RBPMS: variants seen among roughly 807,000 people sequenced by gnomAD.
RBPMS encodes RNA binding protein, mRNA processing factor.
In RBPMS, 7 loss-of-function variants were observed where a neutral mutation model predicts 26.8. That is an observed-to-expected ratio of 0.26 (90% confidence interval 0.15 to 0.49). The LOEUF (loss-of-function observed/expected upper bound fraction) is 0.49. RBPMS is among the 20% of genes least tolerant of loss of function. The pLI, the probability that RBPMS is intolerant of heterozygous loss-of-function variation, is 0.98. For missense variants in RBPMS, 186 were observed against 250.0 expected (o/e 0.74, Z 1.73); for synonymous variants, 96 against 93.3 (o/e 1.03, Z -0.17).
chr8:30,560,386 A>T (rs1020347606), intron 7 of RBPMS, among the ~76,000 whole-genome samples: 2 of 152,120 alleles, frequency 1.3e-5, no homozygotes, highest in East Asian at 1.9e-4. Flanking sequence ...TGGGCATGAG[A>T]GTGTCGGAAG....
chr8:30,527,765 A>T (rs1287944690), intron 5 of RBPMS, among the ~76,000 whole-genome samples: 2 of 152,216 alleles, frequency 1.3e-5, no homozygotes, highest in Non-Finnish European at 2.9e-5. Flanking sequence ...AGGATGGAGA[A>T]GCTGGGTAGG....
intron 1 of RBPMS, 153 bp downstream of exon 1, chr8:30,385,311 C>G: frequency 2.1e-6 from 1 of 479,788 alleles, no homozygotes; most frequent in East Asian, 3.8e-5. Context: ...GAGGGTGGAT[C>G]TCGGGAGCGT....
At chr8:30,556,679 A>G in intron 6 of RBPMS, 1 of 985,768 alleles carries the variant, frequency 1.0e-6, no homozygotes, top group Non-Finnish European at 1.2e-6. Flanking sequence ...CCCACCTGCC[A>G]TGGGGGCTCT....
At chr8:30,445,281 G>A (rs1035655486) in intron 1 of RBPMS, 2 of 152,232 alleles carry the variant, frequency 1.3e-5, no homozygotes, top group East Asian at 1.9e-4. Context: ...AAAGAATAAT[G>A]TGTGCTTTTC....
intron 4 of RBPMS, among the ~76,000 whole-genome samples, chr8:30,491,520 A>C (rs116617684): frequency 0.01 from 1,573 of 152,296 alleles, 22 homozygotes; most frequent in African/African-American, 0.036. Flanking sequence ...GGAGAGCAGA[A>C]ACAGGATTGT....
Position 30,556,277 on chromosome 8 carries a change from C to T in RBPMS, c.529-2610C>T, listed in dbSNP as rs530186301. 36 of 985,438 alleles carry T rather than the reference C, an allele frequency of 3.7e-5. 1 individual carries two copies. Among genetic ancestry groups the T allele is most frequent in the South Asian group, 9.4e-5 (2 of 21,284 alleles). 61.0% of individuals were successfully genotyped at this position (985,438 alleles called of 1,614,324 possible). A position where few individuals can be genotyped will look rare whatever the true frequency, so the allele number is the denominator to read the frequency against. On this transcript the variant is annotated intron_variant, in intron 6 of 8. Transcript: ENST00000397323. ...ACAGCCTCCCCTGGACCCCACAGCT[C>T]GGAACCCGCCTTCATGTCACTCTGG... is the stretch of plus-strand genomic sequence containing the variant.
At chr8:30,468,995 C>T (rs892236479) in intron 1 of RBPMS, among the ~76,000 whole-genome samples, 7 of 152,192 alleles carry the variant, frequency 4.6e-5, no homozygotes, top group Non-Finnish European at 8.8e-5. Flanking sequence ...AAGAGCCCAG[C>T]TCAGAGCAGC....
chr8:30,462,898 T>C (rs980947615), intron 1 of RBPMS, among the ~76,000 whole-genome samples: 2 of 152,108 alleles, frequency 1.3e-5, no homozygotes, highest in East Asian at 3.8e-4. Context: ...CCGCGGCCTT[T>C]TACAAAGGTA....
At position 30,458,178 on chromosome 8, in the gene RBPMS, G is replaced by T. The variant is rs1377900556; in HGVS notation, c.67-16601G>T. Among the ~76,000 whole-genome samples the T allele has an allele frequency of 2.0e-5, 3 of 152,230 alleles. No homozygotes were observed. In the East Asian group the frequency reaches 5.8e-4, roughly 29 times the overall value. On this transcript the variant is annotated intron_variant, in intron 1 of 8. Coordinates refer to ENST00000397323, the MANE Select transcript of RBPMS (RefSeq NM_001008710.3). ...GTTTAGGGAATGATGACCTAAAAAA[G>T]TCTGTACATGTTCACTACAGATGCA... is the stretch of plus-strand genomic sequence containing the variant.
intron 1 of RBPMS, among the ~76,000 whole-genome samples, chr8:30,472,140 A>G (rs116055757): frequency 0.011 from 1,689 of 152,338 alleles, 34 homozygotes; most frequent in African/African-American, 0.037. Context: ...TGTAATAGCC[A>G]AAACTAGAAT....
chr8:30,437,224 A>C (rs2150691594), intron 1 of RBPMS, among the ~76,000 whole-genome samples: 1 of 151,668 alleles, frequency 6.6e-6, no homozygotes, highest in Admixed American at 6.6e-5. Flanking sequence ...CCCAGCCGAT[A>C]TATGTAGCAT....
chr8:30,490,814 G>A (rs964464151), intron 4 of RBPMS, among the ~76,000 whole-genome samples: 17 of 152,296 alleles, frequency 1.1e-4, no homozygotes, highest in Admixed American at 1.0e-3. Flanking sequence ...CTAATTGCAA[G>A]GATTCATTAG....
chr8:30,541,776 G>T (rs1305069071), intron 5 of RBPMS, among the ~76,000 whole-genome samples: 1 of 152,210 alleles, frequency 6.6e-6, no homozygotes, highest in African/African-American at 2.4e-5. Flanking sequence ...GGCCTTGCCT[G>T]CTCCTTCAGT....
intron 1 of RBPMS, among the ~76,000 whole-genome samples, chr8:30,391,076 C>T (rs569374054): frequency 2.0e-5 from 3 of 151,308 alleles, no homozygotes; most frequent in East Asian, 1.9e-4. Context: ...CACAGGTGAG[C>T]CTGCCTGGTC....
intron 8 of RBPMS, among the ~76,000 whole-genome samples, chr8:30,569,632 T>C (rs1419359553): frequency 6.6e-6 from 1 of 152,172 alleles, no homozygotes; most frequent in Admixed American, 6.5e-5. Context: ...AATGTTGTTG[T>C]CATGCTGCCC....
intron 5 of RBPMS, among the ~76,000 whole-genome samples, chr8:30,512,863 T>G (rs1344216927): frequency 6.6e-6 from 1 of 152,216 alleles, no homozygotes; most frequent in Non-Finnish European, 1.5e-5. Flanking sequence ...TATGATCTCT[T>G]TCGTGTAGAG....
chr8:30,479,911 T>A (rs907248444), intron 4 of RBPMS, among the ~76,000 whole-genome samples: 1 of 152,318 alleles, frequency 6.6e-6, no homozygotes, highest in Middle Eastern at 3.4e-3. Flanking sequence ...TAAATTACAG[T>A]CATTTGTAAT....
At chr8:30,470,280 A>G (rs559812385) in intron 1 of RBPMS, among the ~76,000 whole-genome samples, 1 of 152,064 alleles carries the variant, frequency 6.6e-6, no homozygotes, top group South Asian at 2.1e-4. Flanking sequence ...GCTACTCGGG[A>G]GGCTAAGGCA....
At chr8:30,385,522 T>C in intron 1 of RBPMS, 2 of 171,214 alleles carry the variant, frequency 1.2e-5, no homozygotes, top group Non-Finnish European at 2.4e-5. Flanking sequence ...GTGTATGGAT[T>C]CAGGGTCGGG....
Sources: gnomAD v4.1 joint callset for allele counts (sites outside exome capture counted in the v4.1 genomes callset) on GRCh38, gnomAD v4.1.1 for gene constraint, MANE v1.5 for transcripts, NCBI Gene and HGNC (gene_info 2026-07-23, HGNC 2026-07-21) for gene names.